Variants in CBFA2T3 observed in about 807,000 individuals in gnomAD.
The protein encoded by CBFA2T3 is CBFA2/RUNX1 partner transcriptional co-repressor 3.
In CBFA2T3, 31 loss-of-function variants were observed where a neutral mutation model predicts 58.6. The observed-to-expected ratio is 0.53, with a 90% CI of 0.40 to 0.71. The LOEUF (loss-of-function observed/expected upper bound fraction) is 0.71, where lower values mean the gene tolerates loss of function less well. CBFA2T3 is among the 30% of genes least tolerant of loss of function. CBFA2T3 has a pLI of 0.00. For synonymous variants in CBFA2T3, 531 were observed against 421.9 expected, an observed-to-expected ratio of 1.26 and a Z score of -3.17; for missense variants, 1,076 against 963.1, an observed-to-expected ratio of 1.12 and a Z score of -1.55.
intron 1 of CBFA2T3, among the ~76,000 whole-genome samples, chr16:88,931,710 C>A (rs1280896591): frequency 6.6e-6 from 1 of 152,162 alleles, no homozygotes; most frequent in Non-Finnish European, 1.5e-5. Flanking sequence ...GCAGCTCAGG[C>A]CTCTGCTTGT....
Position 88,885,893 on chromosome 16 carries a change from C to A in CBFA2T3, c.893+68G>T. 1 of 1,397,224 alleles carries A rather than the reference C, an allele frequency of 7.2e-7. No homozygotes were observed. Among genetic ancestry groups the A allele is most frequent in the Non-Finnish European group, 9.8e-7 (1 of 1,020,998 alleles). The allele number at this position is 1,397,224 out of a possible 1,614,324, so 86.6% of individuals were successfully genotyped here. A position where few individuals can be genotyped will look rare whatever the true frequency, so the allele number is the denominator to read the frequency against. Reference sequence around the variant, plus strand: ...CCCAGAGGAGGTTCCCTCTCTTACCCAGAGGGGAGCAGGGTGAGCCGCGTG... The same window carrying A: ...CCCAGAGGAGGTTCCCTCTCTTACCAAGAGGGGAGCAGGGTGAGCCGCGTG... On this transcript the variant is annotated intron_variant, in intron 6 of 11. Transcript: ENST00000268679. The surrounding 1 kb of genome is among the most constrained non-coding windows in gnomAD (Gnocchi z 5.3).
Position 88,875,632 on chromosome 16 carries a change from CGAGAGAGGTCGGAGGGCGCGGAGAG to C in CBFA2T3, c.*1319_*1343del, listed in dbSNP as rs1968801796. On this transcript the variant is annotated 3_prime_UTR_variant, in exon 12 of 12. Coordinates refer to ENST00000268679, the MANE Select transcript of CBFA2T3 (RefSeq NM_005187.6). The stretch of plus-strand genomic sequence containing the variant: ...GAGGTCGGAGCTGGGGTGAGGGGGC[CGAGAGAGGTCGGAGGGCGCGGAGAG>C]GAGAGAGGTAGAGGAGGACGGGCTG... 3 of 233,022 alleles carry C rather than the reference CGAGAGAGGTCGGAGGGCGCGGAGAG, an allele frequency of 1.3e-5. No individual in the cohort carries two copies. Among genetic ancestry groups the C allele is most frequent in the South Asian group, 1.8e-4 (1 of 5,520 alleles). 14.4% of individuals were successfully genotyped at this position (233,022 alleles called of 1,614,324 possible).
At chr16:88,947,693 C>T (rs558248586) in intron 1 of CBFA2T3, among the ~76,000 whole-genome samples, 6 of 152,290 alleles carry the variant, frequency 3.9e-5, no homozygotes, top group African/African-American at 1.4e-4. Flanking sequence ...GAAGTAGTAT[C>T]GCTTGAGCCC....
chr16:88,901,477 C>A (rs1441948715), intron 2 of CBFA2T3, 27 bp downstream of exon 2: 29 of 1,359,492 alleles, frequency 2.1e-5, no homozygotes, highest in Non-Finnish European at 2.5e-5. Context: ...ACACCTGGCC[C>A]TCGGCTGCCA....
rs1567643972 is a variant in CBFA2T3 at position 88,975,178 on chromosome 16, A to AGC, written c.151+1478_151+1479insGC. ...GGTCCACCCTGACCCTCTCTGCTCC[A>AGC]CATCTTTAGCCATGTCAGAGGTCCA... On this transcript the variant is annotated intron_variant, in intron 1 of 11. Coordinates refer to ENST00000268679, the MANE Select transcript of CBFA2T3 (RefSeq NM_005187.6). Among the ~76,000 whole-genome samples, 5 of 46,292 alleles carry AGC rather than the reference A, an allele frequency of 1.1e-4. No individual in the cohort carries two copies. In the East Asian group the frequency reaches 3.1e-3, roughly 29 times the overall value. 30.4% of individuals were successfully genotyped at this position (46,292 alleles called of 152,430 possible). A position where few individuals can be genotyped will look rare whatever the true frequency, so the allele number is the denominator to read the frequency against.
intron 1 of CBFA2T3, among the ~76,000 whole-genome samples, chr16:88,927,276 T>C (rs966717114): frequency 6.6e-6 from 1 of 152,226 alleles, no homozygotes; most frequent in African/African-American, 2.4e-5. Context: ...GGTCCCGCCC[T>C]GCCCTCGGGT....
At chr16:88,949,657 C>T (rs543696013) in intron 1 of CBFA2T3, among the ~76,000 whole-genome samples, 150 of 152,014 alleles carry the variant, frequency 9.9e-4, no homozygotes, top group Non-Finnish European at 1.9e-3. Context: ...CAGAGAAGAA[C>T]AATACAAGCA....
chr16:88,930,545 G>T (rs1255550810), intron 1 of CBFA2T3, among the ~76,000 whole-genome samples: 2 of 151,804 alleles, frequency 1.3e-5, no homozygotes, highest in African/African-American at 4.8e-5. Flanking sequence ...CTCCAGTGCG[G>T]GGAGCCACGA....
At chr16:88,907,014 C>T (rs1970361786) in intron 1 of CBFA2T3, among the ~76,000 whole-genome samples, 1 of 151,514 alleles carries the variant, frequency 6.6e-6, no homozygotes, top group African/African-American at 2.4e-5. Flanking sequence ...CCTGGGGTGG[C>T]CGGCTCTGAG....
intron 1 of CBFA2T3, among the ~76,000 whole-genome samples, chr16:88,907,033 G>A (rs1444659667): frequency 6.6e-6 from 1 of 152,124 alleles, no homozygotes; most frequent in African/African-American, 2.4e-5. Context: ...AGGCATGAGC[G>A]GAAGGACCAT....
intron 1 of CBFA2T3, among the ~76,000 whole-genome samples, chr16:88,955,575 C>T (rs372580437): frequency 2.2e-4 from 2 of 8,948 alleles, no homozygotes; most frequent in African/African-American, 5.9e-4. Flanking sequence ...GCTCCTGACC[C>T]CACCCAAGGC....
intron 7 of CBFA2T3, 92 bp downstream of exon 7, chr16:88,884,954 G>A (rs2142551390): frequency 2.1e-6 from 2 of 942,170 alleles, no homozygotes; most frequent in Non-Finnish European, 3.1e-6. Flanking sequence ...AGCTGCCCGT[G>A]GTGCCCTGTG....
intron 1 of CBFA2T3, among the ~76,000 whole-genome samples, chr16:88,970,731 A>G (rs978204534): frequency 3.3e-5 from 5 of 152,176 alleles, no homozygotes; most frequent in African/African-American, 1.2e-4. Flanking sequence ...TCGCCTGGAG[A>G]TGGAATAGAC....
At chr16:88,973,770 G>A (rs1597804938) in intron 1 of CBFA2T3, among the ~76,000 whole-genome samples, 1 of 152,216 alleles carries the variant, frequency 6.6e-6, no homozygotes, top group African/African-American at 2.4e-5. Context: ...GGGAGCCCAG[G>A]CTGACCGCAG....
In CBFA2T3 at chr16:88,940,938, T is replaced by G. The variant is rs982002542; in HGVS notation, c.151+35719A>C. ...AAACGGCCCGTGCGCTCGGCGCGGC[T>G]GCGGCGCAGATCCGGGAACGGCAGC... On this transcript the variant is annotated intron_variant, in intron 1 of 11. Coordinates refer to ENST00000268679, the MANE Select transcript of CBFA2T3 (RefSeq NM_005187.6). 2.4e-5 allele frequency: 17 copies of G among 722,778 alleles called. No individual in the cohort carries two copies. The Admixed American group carries it at 1.0e-3, about 43-fold the overall frequency. The allele number at this position is 722,778 out of a possible 1,614,324, so 44.8% of individuals were successfully genotyped here. A position where few individuals can be genotyped will look rare whatever the true frequency, so the allele number is the denominator to read the frequency against.
intron 3 of CBFA2T3, among the ~76,000 whole-genome samples, chr16:88,894,254 G>A (rs1969776122): frequency 4.1e-5 from 1 of 24,376 alleles, no homozygotes; most frequent in African/African-American, 2.5e-4. Context: ...ATATACACAT[G>A]CACACAATGT....
At chr16:88,940,829 C>G (rs1200188783) in intron 1 of CBFA2T3, among the ~76,000 whole-genome samples, 3 of 152,182 alleles carry the variant, frequency 2.0e-5, no homozygotes, top group African/African-American at 7.2e-5. Flanking sequence ...GCAGGTCAGG[C>G]TCTGCTCACG....
intron 1 of CBFA2T3, among the ~76,000 whole-genome samples, chr16:88,909,824 T>A (rs115834355): frequency 0.011 from 1,745 of 152,334 alleles, 38 homozygotes; most frequent in African/African-American, 0.04. Flanking sequence ...AGTGAGGGGC[T>A]GAGCCAGGAA....
intron 1 of CBFA2T3, among the ~76,000 whole-genome samples, chr16:88,905,684 G>A (rs1354170182): frequency 6.9e-6 from 1 of 144,420 alleles, no homozygotes; most frequent in African/African-American, 2.6e-5. Context: ...GCTGAAGGAG[G>A]GGCGGGGCTG....
Sources: gnomAD v4.1 joint callset for allele counts (sites outside exome capture counted in the v4.1 genomes callset) on GRCh38, gnomAD v4.1.1 for gene constraint, Gnocchi (gnomAD v3.1) non-coding constraint, MANE v1.5 for transcripts, NCBI Gene and HGNC (gene_info 2026-07-23, HGNC 2026-07-21) for gene names.